DOCK8: variants seen among roughly 807,000 people sequenced by gnomAD.
DOCK8 encodes dedicator of cytokinesis 8.
A neutral mutation model predicts 245.6 loss-of-function variants in DOCK8; 141 were observed. The observed-to-expected ratio is 0.57, with a 90% CI of 0.50 to 0.66. The LOEUF (loss-of-function observed/expected upper bound fraction) is 0.66, where lower values mean the gene tolerates loss of function less well. DOCK8 is among the 30% of genes least tolerant of loss of function. The pLI is 0.00. For synonymous variants in DOCK8, 1,168 were observed against 970.2 expected (o/e 1.20, Z -3.79); for missense variants, 2,965 against 2,603.4 (o/e 1.14, Z -3.02).
intron 12 of DOCK8, 135 bp from the exon 13 acceptor site, chr9:338,871 G>A: frequency 1.4e-6 from 1 of 729,976 alleles, no homozygotes; most frequent in Non-Finnish European, 2.4e-6. Flanking sequence ...TGATTTCAGA[G>A]CTGTCTATAA....
At chr9:278,548 G>C (rs986576573) in intron 2 of DOCK8, among the ~76,000 whole-genome samples, 1 of 152,216 alleles carries the variant, frequency 6.6e-6, no homozygotes, top group East Asian at 1.9e-4. Context: ...TTGTGTCAGG[G>C]AGTATTGAGG....
chr9:253,445 C>G (rs2047697393), intron 1 of DOCK8, among the ~76,000 whole-genome samples: 1 of 152,204 alleles, frequency 6.6e-6, no homozygotes, highest in Non-Finnish European at 1.5e-5. Flanking sequence ...CTTTCCTAAG[C>G]ATAAACTCAG....
At chr9:316,960 A>G in intron 6 of DOCK8, 83 bp from the exon 7 acceptor site, 1 of 1,068,838 alleles carries the variant, frequency 9.4e-7, no homozygotes, top group East Asian at 2.4e-5. Context: ...CGTGGAGGGT[A>G]GCCTTCCCTT....
chr9:314,463 C>T (rs1266462744), intron 6 of DOCK8: 1 of 152,186 alleles, frequency 6.6e-6, no homozygotes, highest in Non-Finnish European at 1.5e-5. Context: ...AATAATGAAA[C>T]GTAGCCTGGT....
intron 14 of DOCK8, among the ~76,000 whole-genome samples, chr9:342,536 C>A (rs1280098381): frequency 6.6e-6 from 1 of 151,380 alleles, no homozygotes. Context: ...GTGACATGAT[C>A]TCGGTTCACT....
intron 22 of DOCK8, among the ~76,000 whole-genome samples, chr9:384,032 A>G (rs1479783165): frequency 6.6e-6 from 1 of 152,166 alleles, no homozygotes; most frequent in Non-Finnish European, 1.5e-5. Flanking sequence ...TTTCTGTCCC[A>G]GGATCCCATT....
At chr9:250,143 A>G (rs2047613371) in intron 1 of DOCK8, among the ~76,000 whole-genome samples, 1 of 152,140 alleles carries the variant, frequency 6.6e-6, no homozygotes, top group African/African-American at 2.4e-5. Context: ...CATTTATCAT[A>G]TTTCTGGGAG....
At chr9:349,451 C>T (rs537321646) in intron 14 of DOCK8, among the ~76,000 whole-genome samples, 2 of 152,118 alleles carry the variant, frequency 1.3e-5, no homozygotes, top group African/African-American at 4.8e-5. Context: ...CTCAACATAA[C>T]GGCTCATTTT....
chr9:234,836 G>C (rs1290676405), intron 1 of DOCK8, among the ~76,000 whole-genome samples: 1 of 151,900 alleles, frequency 6.6e-6, no homozygotes, highest in Non-Finnish European at 1.5e-5. Context: ...TTTGCCATTG[G>C]TTTGAATTTC....
intron 24 of DOCK8, 146 bp downstream of exon 24, chr9:390,712 CCTT>C (rs1466329695): frequency 8.0e-6 from 6 of 751,608 alleles, no homozygotes; most frequent in Non-Finnish European, 1.4e-5. Context: ...CCCCTCCCAT[CCTT>C]CTTCCACTAA....
intron 33 of DOCK8, among the ~76,000 whole-genome samples, chr9:423,038 A>AT (rs1026761945): frequency 1.3e-5 from 2 of 150,876 alleles, no homozygotes; most frequent in African/African-American, 4.9e-5. Context: ...TAGTCAATGT[A>AT]TTTTTTAAAG....
intron 1 of DOCK8, among the ~76,000 whole-genome samples, chr9:233,511 A>G (rs796711483): frequency 2.6e-5 from 4 of 151,684 alleles, no homozygotes; most frequent in African/African-American, 9.7e-5. Context: ...AAAGTCTCCC[A>G]TTATTATTGT....
chr9:351,254 A>G (rs1198451407), intron 14 of DOCK8, among the ~76,000 whole-genome samples: 1 of 152,214 alleles, frequency 6.6e-6, no homozygotes, highest in Non-Finnish European at 1.5e-5. Flanking sequence ...TGATCTCATC[A>G]TCGGGGACTG....
At chr9:397,091 T>TG (rs1308329840) in intron 25 of DOCK8, among the ~76,000 whole-genome samples, 157 bp downstream of exon 25, 2 of 152,120 alleles carry the variant, frequency 1.3e-5, no homozygotes, top group Non-Finnish European at 2.9e-5. Context: ...GACCCTGATG[T>TG]GGGGCTGGAA....
chr9:286,251 A>G (rs1255156670), intron 2 of DOCK8, among the ~76,000 whole-genome samples: 1 of 152,210 alleles, frequency 6.6e-6, no homozygotes, highest in South Asian at 2.1e-4. Context: ...TTAATTACTC[A>G]TCATGTTATG....
intron 45 of DOCK8, among the ~76,000 whole-genome samples, chr9:450,219 G>C (rs532225426): frequency 6.6e-6 from 1 of 152,272 alleles, no homozygotes; most frequent in South Asian, 2.1e-4. Context: ...CTGACAATAT[G>C]ATGCAAATCT....
chr9:378,014 C>T (rs988593225), intron 20 of DOCK8, among the ~76,000 whole-genome samples: 10 of 152,184 alleles, frequency 6.6e-5, no homozygotes, highest in African/African-American at 7.2e-5. Context: ...GTCCAGCAGA[C>T]GTCTTTTGGG....
chr9:368,240 G>A (rs145170942), intron 15 of DOCK8, 105 bp downstream of exon 15: 8 of 949,926 alleles, frequency 8.4e-6, no homozygotes, highest in African/African-American at 4.8e-5. Flanking sequence ...GTCTATTCCA[G>A]GCCAATACTG....
chr9:272,992 G>A (rs995185440), intron 2 of DOCK8: 1 of 978,334 alleles, frequency 1.0e-6, no homozygotes, highest in Non-Finnish European at 1.2e-6. Context: ...TTATTACTTC[G>A]AAACCACTTC....
Sources: gnomAD v4.1 joint callset for allele counts (sites outside exome capture counted in the v4.1 genomes callset) on GRCh38, gnomAD v4.1.1 for gene constraint, MANE v1.5 for transcripts, NCBI Gene and HGNC (gene_info 2026-07-23, HGNC 2026-07-21) for gene names.